FAT3: variants seen among roughly 807,000 people sequenced by gnomAD.
FAT3 encodes FAT atypical cadherin 3.
FAT3 carries 95 observed loss-of-function variants against 310.2 expected under a neutral mutation model. That is an observed-to-expected ratio of 0.31 (90% CI 0.26 to 0.36). The LOEUF is 0.36. FAT3 is among the 10% of genes least tolerant of loss of function. FAT3 has a pLI of 1.00. For synonymous variants in FAT3, 2,314 were observed against 2,192.9 expected, an observed-to-expected ratio of 1.06 and a Z score of -1.54; for missense variants, 5,408 against 5,715.6, an observed-to-expected ratio of 0.95 and a Z score of 1.74.
chr11:92,286,983 T>A (rs1265458072), intron 1 of FAT3, among the ~76,000 whole-genome samples: 4 of 152,302 alleles, frequency 2.6e-5, no homozygotes, highest in African/African-American at 9.6e-5. Context: ...TGGATTTTGG[T>A]CCTTCACCAC....
intron 2 of FAT3, among the ~76,000 whole-genome samples, chr11:92,459,303 C>G (rs946374999): frequency 1.3e-5 from 2 of 152,130 alleles, no homozygotes; most frequent in South Asian, 2.1e-4. Flanking sequence ...CTCTTACCTG[C>G]GGGGAGTTCC....
In FAT3 at chr11:92,837,798, G is replaced by A. The variant is rs566554469; in HGVS notation, c.10360G>A (p.Val3454Met). ...PVFTPANYTA[V>M]IQENKPVGTS... ...GTTTACACCTGCCAACTATACTGCT[G>A]TGATTCAGGTGAGAAAATCTTGCCT... The change falls in exon 17 of 28, where the codon GTG becomes ATG. Residue 3454 changes from valine to methionine, a missense_variant. Coordinates refer to ENST00000525166, the MANE Select transcript of FAT3 (RefSeq NM_001367949.2). The A allele has an allele frequency of 4.3e-6, 7 of 1,613,970 alleles. No homozygotes were observed. The highest frequency in any genetic ancestry group is 1.1e-5 in the South Asian group (1 of 91,082).
rs529363412 is a variant in FAT3, at chr11:92,849,434, A to G, written c.11365+4702A>G. Reference sequence around the variant, plus strand: ...ACACCAGGACCTCTCTCCTTGTCACATCATCTAGCTGTATCCCTCAGAGCC... The same window carrying G: ...ACACCAGGACCTCTCTCCTTGTCACGTCATCTAGCTGTATCCCTCAGAGCC... On this transcript the variant is annotated intron_variant, in intron 19 of 27. Transcript: ENST00000525166. 1.8e-4 allele frequency among the ~76,000 whole-genome samples: 27 copies of G among 152,318 alleles called. No individual in the cohort carries two copies. The East Asian group carries it at 3.7e-3, about 21-fold the overall frequency.
chr11:92,649,859 C>A (rs937981317), intron 3 of FAT3, among the ~76,000 whole-genome samples: 1 of 129,428 alleles, frequency 7.7e-6, no homozygotes, highest in Non-Finnish European at 1.7e-5. Context: ...TTGTTAAACA[C>A]CCACTTTGTA....
intron 3 of FAT3, among the ~76,000 whole-genome samples, chr11:92,559,921 T>C (rs1271346473): frequency 6.6e-6 from 1 of 152,228 alleles, no homozygotes; most frequent in Non-Finnish European, 1.5e-5. Context: ...GATATGAATA[T>C]ATATAAGTTT....
At chr11:92,617,570 G>A (rs1940871221) in intron 3 of FAT3, among the ~76,000 whole-genome samples, 1 of 152,164 alleles carries the variant, frequency 6.6e-6, no homozygotes, top group African/African-American at 2.4e-5. Context: ...CTGATTTTTA[G>A]AATTATCAGG....
At chr11:92,540,769 TG>T (rs1375575614) in intron 3 of FAT3, among the ~76,000 whole-genome samples, 53 of 104,042 alleles carry the variant, frequency 5.1e-4, no homozygotes, top group African/African-American at 1.5e-3. Context: ...TGTTTTGTTT[TG>T]TTTTGTTTTT....
At chr11:92,648,669 G>T (rs1942254651) in intron 3 of FAT3, among the ~76,000 whole-genome samples, 1 of 152,108 alleles carries the variant, frequency 6.6e-6, no homozygotes, top group Non-Finnish European at 1.5e-5. Flanking sequence ...GACACTTTAA[G>T]CTACATGCTC....
intron 1 of FAT3, among the ~76,000 whole-genome samples, chr11:92,349,220 G>T (rs1368754959): frequency 1.3e-5 from 2 of 152,086 alleles, no homozygotes; most frequent in African/African-American, 2.4e-5. Flanking sequence ...GAGCATTCTG[G>T]GAGTGATCCC....
intron 3 of FAT3, among the ~76,000 whole-genome samples, chr11:92,638,787 T>C (rs1941859142): frequency 6.6e-6 from 1 of 152,212 alleles, no homozygotes; most frequent in South Asian, 2.1e-4. Context: ...TGATTTCCAA[T>C]ACCTGTTAAT....
chr11:92,444,400 C>CA (rs1381417788), intron 2 of FAT3, among the ~76,000 whole-genome samples: 4 of 152,134 alleles, frequency 2.6e-5, no homozygotes, highest in African/African-American at 9.7e-5. Flanking sequence ...TCATGTAATT[C>CA]ACCTTTTCTC....
chr11:92,376,269 C>T (rs1424775786), intron 2 of FAT3, among the ~76,000 whole-genome samples: 1 of 152,150 alleles, frequency 6.6e-6, no homozygotes, highest in Non-Finnish European at 1.5e-5. Context: ...GAGGCTTCTG[C>T]ATTCTTTTGT....
At chr11:92,612,796 G>A (rs1940627253) in intron 3 of FAT3, among the ~76,000 whole-genome samples, 1 of 152,166 alleles carries the variant, frequency 6.6e-6, no homozygotes. Flanking sequence ...AAAGATAGTG[G>A]CATTCAGGAC....
At chr11:92,320,650 C>T (rs1247989724) in intron 1 of FAT3, among the ~76,000 whole-genome samples, 2 of 151,674 alleles carry the variant, frequency 1.3e-5, no homozygotes, top group Non-Finnish European at 2.9e-5. Context: ...GGTAGGTCAC[C>T]TGAGGTCAGG....
intron 3 of FAT3, among the ~76,000 whole-genome samples, chr11:92,585,832 T>A (rs1939118328): frequency 6.6e-6 from 1 of 151,310 alleles, no homozygotes; most frequent in African/African-American, 2.4e-5. Flanking sequence ...TTTCCTGTTT[T>A]TTTTTTCCCC....
intron 3 of FAT3, among the ~76,000 whole-genome samples, chr11:92,693,742 A>G (rs566979262): frequency 6.6e-6 from 1 of 152,322 alleles, no homozygotes; most frequent in South Asian, 2.1e-4. Context: ...TGGCTTGATA[A>G]AAAGATTTAT....
intron 1 of FAT3, among the ~76,000 whole-genome samples, chr11:92,315,500 T>TAA (rs1211364943): frequency 3.3e-5 from 3 of 92,264 alleles, no homozygotes; most frequent in Non-Finnish European, 6.6e-5. Flanking sequence ...TATATATATA[T>TAA]ATATATATAT....
chr11:92,351,323 T>G (rs1385440303), intron 1 of FAT3, among the ~76,000 whole-genome samples: 2 of 152,162 alleles, frequency 1.3e-5, no homozygotes, highest in Non-Finnish European at 2.9e-5. Flanking sequence ...GGTAATACCT[T>G]GAAGCATTTT....
At chr11:92,274,746 A>T (rs1359093134) in intron 1 of FAT3, among the ~76,000 whole-genome samples, 1 of 152,124 alleles carries the variant, frequency 6.6e-6, no homozygotes, top group Non-Finnish European at 1.5e-5. Flanking sequence ...TCATCTTAAT[A>T]GTCTCATTTT....
Sources: gnomAD v4.1 joint callset for allele counts (sites outside exome capture counted in the v4.1 genomes callset) on GRCh38, gnomAD v4.1.1 for gene constraint, MANE v1.5 for transcripts, NCBI Gene and HGNC (gene_info 2026-07-23, HGNC 2026-07-21) for gene names.